GATAD2B: variants seen among roughly 807,000 people sequenced by gnomAD.
GATAD2B encodes GATA zinc finger domain containing 2B, also known as transcriptional repressor p66-beta.
Under a neutral mutation model 64.3 loss-of-function variants are expected in GATAD2B, and 8 were observed. The ratio of observed to expected loss-of-function variants is 0.12; its 90% CI spans 0.07 to 0.22. The LOEUF (loss-of-function observed/expected upper bound fraction) is 0.22, where lower values mean the gene tolerates loss of function less well. Among genes scored for constraint, GATAD2B ranks in the 10% least tolerant of loss-of-function variants. The pLI is 1.00. For synonymous variants in GATAD2B, 281 were observed against 271.3 expected, an observed-to-expected ratio of 1.04 and a Z score of -0.35; for missense variants, 453 against 752.0, an observed-to-expected ratio of 0.60 and a Z score of 4.65.
At chr1:153,855,305 T>A (rs1273797563) in intron 1 of GATAD2B, among the ~76,000 whole-genome samples, 1 of 152,054 alleles carries the variant, frequency 6.6e-6, no homozygotes, top group African/African-American at 2.4e-5. Flanking sequence ...CTCAGCTCAC[T>A]GTAACTTCTG....
chr1:153,888,175 T>C (rs1273298358), intron 1 of GATAD2B, among the ~76,000 whole-genome samples: 1 of 152,102 alleles, frequency 6.6e-6, no homozygotes, highest in East Asian at 1.9e-4. Flanking sequence ...AACTTTTTCA[T>C]TTATCATACA....
intron 1 of GATAD2B, among the ~76,000 whole-genome samples, chr1:153,904,831 C>T (rs369298132): frequency 1.3e-5 from 2 of 152,122 alleles, no homozygotes; most frequent in South Asian, 2.1e-4. Flanking sequence ...CTCAGCCTCC[C>T]GAGCAGGTGG....
rs1674135435 is a variant in GATAD2B, at chr1:153,807,149, A to C, written c.*3028T>G. ...CCAGGGAGTAAGACACCAACCTTAA[A>C]ATACTGCTTTTAGTGCCTCTGGGGA... is the stretch of plus-strand genomic sequence containing the variant. On this transcript the variant is annotated 3_prime_UTR_variant, in exon 11 of 11. Coordinates refer to ENST00000368655, the MANE Select transcript of GATAD2B (RefSeq NM_020699.4). 1 of 152,148 alleles carries C rather than the reference A, an allele frequency of 6.6e-6. No individual in the cohort carries two copies. Among genetic ancestry groups the C allele is most frequent in the Non-Finnish European group, 1.5e-5 (1 of 68,038 alleles). The allele number at this position is 152,148 out of a possible 1,614,324, so 9.4% of individuals were successfully genotyped here.
Position 153,853,211 on chromosome 1 carries a change from G to C in GATAD2B, c.-1-24863C>G. On this transcript the variant is annotated intron_variant, in intron 1 of 10. Transcript: ENST00000368655. Reference sequence around the variant, plus strand: ...TTTGCAGCTCTAGCTTCTGGATGATGGGCAGAGCACACTGGTCATGGCCAC... The same window carrying C: ...TTTGCAGCTCTAGCTTCTGGATGATCGGCAGAGCACACTGGTCATGGCCAC... The C allele has an allele frequency of 2.6e-6, 3 of 1,152,662 alleles. No homozygotes were observed. In the South Asian group the frequency reaches 3.7e-5, roughly 14 times the overall value. 71.4% of individuals were successfully genotyped at this position (1,152,662 alleles called of 1,614,324 possible).
chr1:153,916,109 C>T (rs1364398489), intron 1 of GATAD2B, among the ~76,000 whole-genome samples: 1 of 151,900 alleles, frequency 6.6e-6, no homozygotes, highest in African/African-American at 2.4e-5. Flanking sequence ...GGTGAAACCT[C>T]GTCTCCACTA....
chr1:153,890,015 A>T (rs1260307660), intron 1 of GATAD2B, among the ~76,000 whole-genome samples: 6 of 152,016 alleles, frequency 3.9e-5, no homozygotes, highest in East Asian at 1.9e-4. Context: ...TTTACTAAAG[A>T]TACAAAAAAT....
chr1:153,817,889 T>C, intron 5 of GATAD2B, 151 bp downstream of exon 5: 2 of 675,614 alleles, frequency 3.0e-6, no homozygotes, highest in Non-Finnish European at 5.0e-6. Context: ...TACTGAAGAC[T>C]AAATCATGCC....
At chr1:153,914,397 T>C (rs12033835) in intron 1 of GATAD2B, among the ~76,000 whole-genome samples, 41,321 of 152,006 alleles carry the variant, frequency 0.27, 6,134 homozygotes, top group Admixed American at 0.38. Context: ...AGTTACTGAT[T>C]CTCATTTCTA....
chr1:153,903,941 A>G (rs1677852698), intron 1 of GATAD2B, among the ~76,000 whole-genome samples: 1 of 152,102 alleles, frequency 6.6e-6, no homozygotes, highest in South Asian at 2.1e-4. Context: ...CCGTGACTGC[A>G]CCACTGCACT....
intron 2 of GATAD2B, among the ~76,000 whole-genome samples, chr1:153,822,901 CA>C (rs1362075602): frequency 6.6e-6 from 1 of 152,112 alleles, no homozygotes; most frequent in African/African-American, 2.4e-5. Context: ...ACTGCAGTCT[CA>C]ATCTCCTAGG....
intron 1 of GATAD2B, among the ~76,000 whole-genome samples, chr1:153,892,421 A>G (rs538880356): frequency 6.6e-6 from 1 of 152,264 alleles, no homozygotes; most frequent in Non-Finnish European, 1.5e-5. Flanking sequence ...CAAGGGAAAA[A>G]TAAATAAACT....
chr1:153,900,560 G>A (rs1450765278), intron 1 of GATAD2B, among the ~76,000 whole-genome samples: 2 of 152,200 alleles, frequency 1.3e-5, no homozygotes, highest in South Asian at 4.1e-4. Flanking sequence ...CTGTCACCCA[G>A]GCTAGAGTAC....
intron 1 of GATAD2B, among the ~76,000 whole-genome samples, chr1:153,866,574 T>C (rs902662264): frequency 2.6e-5 from 4 of 152,192 alleles, no homozygotes; most frequent in African/African-American, 9.7e-5. Context: ...TAATGCTTCC[T>C]ATTATCAATC....
intron 1 of GATAD2B, chr1:153,889,730 AAAG>A: frequency 2.2e-6 from 1 of 454,310 alleles, no homozygotes; most frequent in Non-Finnish European, 2.9e-6. Flanking sequence ...AATTAACTGT[AAAG>A]AATAGCAAAA....
chr1:153,819,899 G>A (rs560467455), intron 2 of GATAD2B, among the ~76,000 whole-genome samples, 164 bp from the exon 3 acceptor site: 2 of 152,078 alleles, frequency 1.3e-5, no homozygotes, highest in Non-Finnish European at 2.9e-5. Context: ...AGGAGTTCGA[G>A]ACCAGCCTGA....
rs902761747 is a variant in GATAD2B at position 153,819,034 on chromosome 1, G to T, written c.466-112C>A. On this transcript the variant is annotated intron_variant, in intron 3 of 10. Coordinates refer to ENST00000368655, the MANE Select transcript of GATAD2B (RefSeq NM_020699.4). ...AAACCTTCATCTTCCACAAGAAGCA[G>T]AAGTGGCAATAGGATTATCTTTGTA... is the stretch of plus-strand genomic sequence containing the variant. 4.2e-5 allele frequency: 46 copies of T among 1,083,422 alleles called. No individual in the cohort carries two copies. In the South Asian group the frequency reaches 6.5e-4, roughly 15 times the overall value. The allele number at this position is 1,083,422 out of a possible 1,614,324, so 67.1% of individuals were successfully genotyped here.
chr1:153,824,438 C>T (rs1446026404), intron 2 of GATAD2B, among the ~76,000 whole-genome samples: 2 of 151,864 alleles, frequency 1.3e-5, no homozygotes, highest in African/African-American at 2.4e-5. Flanking sequence ...GACCATCTGG[C>T]CAACATGGCG....
rs1678509371 is a variant in GATAD2B, at chr1:153,922,916, G to C, written c.-185C>G. ...GGAGCAGACACTGCGGTACAGACGG[G>C]GGCAGCGGCGGCGGCGACGGCTGCA... On this transcript the variant is annotated 5_prime_UTR_variant, in exon 1 of 11. Transcript: ENST00000368655. 1 of 156,156 alleles carries C rather than the reference G, an allele frequency of 6.4e-6. No individual in the cohort carries two copies. The highest frequency in any genetic ancestry group is 1.4e-5 in the Non-Finnish European group (1 of 70,694). The allele number at this position is 156,156 out of a possible 1,614,324, so 9.7% of individuals were successfully genotyped here.
At chr1:153,905,768 C>CAA (rs200353950) in intron 1 of GATAD2B, among the ~76,000 whole-genome samples, 1,951 of 116,016 alleles carry the variant, frequency 0.017, 68 homozygotes, top group East Asian at 0.045. Flanking sequence ...ACCAGTCTCT[C>CAA]AAACAAAAAA....
Sources: gnomAD v4.1 joint callset for allele counts (sites outside exome capture counted in the v4.1 genomes callset) on GRCh38, gnomAD v4.1.1 for gene constraint, MANE v1.5 for transcripts, NCBI Gene and HGNC (gene_info 2026-07-23, HGNC 2026-07-21) for gene names.